PRRT1B: variants seen among roughly 807,000 people sequenced by gnomAD.
The protein encoded by PRRT1B is dispanin subfamily D member 2.
intron 1 of PRRT1B, among the ~76,000 whole-genome samples, chr9:131,547,504 A>G (rs1950984365): frequency 6.6e-6 from 1 of 151,758 alleles, no homozygotes; most frequent in South Asian, 2.1e-4. Context: ...AAACGGCCCC[A>G]CCCCATGTCC....
intron 3 of PRRT1B, among the ~76,000 whole-genome samples, 191 bp from the exon 4 acceptor site, chr9:131,557,862 G>A (rs1467268827): frequency 6.6e-6 from 1 of 152,248 alleles, no homozygotes; most frequent in Non-Finnish European, 1.5e-5. Context: ...CGTGACAAGC[G>A]CCTGATGGCT....
At chr9:131,558,213 C>T (rs1951063172) in exon 4 of PRRT1B, 1 of 400,876 alleles carries the variant, frequency 2.5e-6, no homozygotes, top group Non-Finnish European at 4.4e-6. Context: ...GGCTGTGGCT[C>T]CTGCGGAGAT....
In PRRT1B at chr9:131,547,065, C is replaced by CTTTTTTTTTT. The variant is rs549825970; in HGVS notation, c.25+1440_25+1449dup. Among the ~76,000 whole-genome samples the CTTTTTTTTTT allele has an allele frequency of 2.0e-3, 199 of 100,748 alleles. 16 individuals carry two copies. The highest frequency in any genetic ancestry group is 8.1e-3 in the African/African-American group (166 of 20,478). 66.1% of individuals were successfully genotyped at this position (100,748 alleles called of 152,430 possible). ...AGAGCAGAGCCTGGCCTCCTGTTCG[C>CTTTTTTTTTT]TTTTTTTTTTTTTTTTTTTTTTTTG... On this transcript the variant is annotated intron_variant, in intron 1 of 3. Coordinates refer to ENST00000636672, the Ensembl canonical transcript of PRRT1B.
chr9:131,550,414 T>C (rs1428249598), intron 1 of PRRT1B, among the ~76,000 whole-genome samples: 2 of 152,172 alleles, frequency 1.3e-5, no homozygotes, highest in African/African-American at 4.8e-5. Flanking sequence ...CTCAGCAAAT[T>C]ACGTGCGCTG....
At chr9:131,558,013 G>C in intron 3 of PRRT1B, 40 bp from the exon 4 acceptor site, 1 of 398,694 alleles carries the variant, frequency 2.5e-6, no homozygotes, top group Non-Finnish European at 4.4e-6. Flanking sequence ...GGGGCTCCCT[G>C]TTCGCTCCCA....
chr9:131,558,238 T>G (rs529202532), exon 4 of PRRT1B: 2 of 400,930 alleles, frequency 5.0e-6, no homozygotes, highest in South Asian at 2.5e-4. Flanking sequence ...GATGCCGGAA[T>G]GTCCACGGAA....
exon 1 of PRRT1B, chr9:131,545,599 C>T (rs1950967819): frequency 5.0e-6 from 2 of 398,336 alleles, no homozygotes; most frequent in African/African-American, 4.1e-5. Context: ...CCCTTGCAGC[C>T]GCCGCGGGCT....
Position 131,551,201 on chromosome 9 carries a change from C to T in PRRT1B, c.26-3356C>T, listed in dbSNP as rs1951010050. On this transcript the variant is annotated intron_variant, in intron 1 of 3. Coordinates refer to ENST00000636672, the Ensembl canonical transcript of PRRT1B. This position sits in a 1 kb window ranked among gnomAD's most constrained non-coding sequence, Gnocchi z 4.4. Reference sequence around the variant, plus strand: ...TCATGATCCACCCGCTTCAGCCTCCCAAAATGCTGGGATTACGGGTGTGAG... The same window carrying T: ...TCATGATCCACCCGCTTCAGCCTCCTAAAATGCTGGGATTACGGGTGTGAG... Among the ~76,000 whole-genome samples the T allele has an allele frequency of 6.6e-6, 1 of 152,026 alleles. No homozygotes were observed. The highest frequency in any genetic ancestry group is 1.5e-5 in the Non-Finnish European group (1 of 68,018).
rs1212424252 is a variant in PRRT1B at position 131,551,091 on chromosome 9, C to T, written c.26-3466C>T. On this transcript the variant is annotated intron_variant, in intron 1 of 3. Transcript: ENST00000636672. The surrounding 1 kb of genome is among the most constrained non-coding windows in gnomAD (Gnocchi z 4.4). ...CCGAGTAGCTGGGACTACAGGCACC[C>T]GCCACCATGCTCCGCTAATTTTTTG... 1.1e-4 allele frequency among the ~76,000 whole-genome samples: 17 copies of T among 151,638 alleles called. No individual in the cohort carries two copies. The highest frequency in any genetic ancestry group is 2.4e-4 in the African/African-American group (10 of 41,360).
At chr9:131,554,371 C>T (rs1951032027) in intron 1 of PRRT1B, among the ~76,000 whole-genome samples, 186 bp from the exon 2 acceptor site, 1 of 152,202 alleles carries the variant, frequency 6.6e-6, no homozygotes, top group Non-Finnish European at 1.5e-5. Context: ...AGATGAGTCG[C>T]TCAGTCTGTG....
At chr9:131,557,975 TAGCC>T (rs755875939) in intron 3 of PRRT1B, 74 bp from the exon 4 acceptor site, 1 of 398,264 alleles carries the variant, frequency 2.5e-6, no homozygotes. Flanking sequence ...GAACTGGGCC[TAGCC>T]CTCAATCGCA....
chr9:131,554,882 G>A, exon 2 of PRRT1B: 1 of 381,248 alleles, frequency 2.6e-6, no homozygotes, highest in East Asian at 3.8e-5. Flanking sequence ...CCGCGCCGCT[G>A]CTGTACCCGC....
chr9:131,556,757 G>A (rs1235906020), intron 3 of PRRT1B, among the ~76,000 whole-genome samples: 2 of 151,850 alleles, frequency 1.3e-5, no homozygotes, highest in African/African-American at 2.4e-5. Context: ...TCAGCCTCCC[G>A]AATAGCTGGG....
At chr9:131,557,664 A>C (rs1326219373) in intron 3 of PRRT1B, among the ~76,000 whole-genome samples, 2 of 152,232 alleles carry the variant, frequency 1.3e-5, no homozygotes, top group Non-Finnish European at 2.9e-5. Context: ...CTCTCAGGAC[A>C]ACTCAGAGGT....
chr9:131,557,918 C>T, intron 3 of PRRT1B, 135 bp from the exon 4 acceptor site: 1 of 397,238 alleles, frequency 2.5e-6, no homozygotes, highest in East Asian at 3.6e-5. Context: ...GAGCTGTGGG[C>T]CTGGCAGGTC....
chr9:131,546,929 C>T (rs967693381), intron 1 of PRRT1B, among the ~76,000 whole-genome samples: 2 of 152,106 alleles, frequency 1.3e-5, no homozygotes, highest in African/African-American at 2.4e-5. Context: ...AGAGCTGACT[C>T]GCTGAGACCC....
downstream of PRRT1B, among the ~76,000 whole-genome samples, chr9:131,559,731 T>A (rs146250140): frequency 6.6e-6 from 1 of 152,220 alleles, no homozygotes; most frequent in Non-Finnish European, 1.5e-5. Flanking sequence ...TTCCCAGTGA[T>A]GCTGAAGCTG....
intron 2 of PRRT1B, 89 bp downstream of exon 2, chr9:131,555,118 G>T (rs1223953952): frequency 2.5e-5 from 2 of 81,044 alleles, no homozygotes; most frequent in African/African-American, 1.5e-3. Context: ...GGTCACTTCT[G>T]TCCCTGGGGG....
chr9:131,547,891 T>G (rs1950986266), intron 1 of PRRT1B, among the ~76,000 whole-genome samples: 1 of 152,194 alleles, frequency 6.6e-6, no homozygotes, highest in Non-Finnish European at 1.5e-5. Flanking sequence ...CCTTTCCTTT[T>G]CTGGTAGAGA....
Sources: allele counts gnomAD v4.1 joint callset (sites outside exome capture counted in the v4.1 genomes callset), GRCh38; gene constraint gnomAD v4.1.1; non-coding constraint Gnocchi (gnomAD v3.1); transcripts MANE v1.5; gene names NCBI Gene and HGNC (gene_info 2026-07-23, HGNC 2026-07-21).